CLRN1: variants seen among roughly 807,000 people sequenced by gnomAD.
The protein encoded by CLRN1 is clarin 1.
Under a neutral mutation model 18.7 loss-of-function variants are expected in CLRN1, and 15 were observed. That is an observed-to-expected ratio of 0.80 (90% CI 0.54 to 1.23). The LOEUF (loss-of-function observed/expected upper bound fraction) is 1.23, where lower values mean the gene tolerates loss of function less well. Among genes scored for constraint, CLRN1 ranks in the 50% most tolerant of loss-of-function variants. CLRN1 has a pLI of 0.00. For synonymous variants in CLRN1, 104 were observed against 102.9 expected (o/e 1.01, Z -0.07); for missense variants, 311 against 277.5 (o/e 1.12, Z -0.86).
At chr3:150,928,728 G>C (rs187171468) in intron 2 of CLRN1, among the ~76,000 whole-genome samples, 1 of 152,322 alleles carries the variant, frequency 6.6e-6, no homozygotes, top group Admixed American at 6.5e-5. Context: ...GCTGCACAAA[G>C]GAAAAGGTAG....
rs542605870 is a variant in CLRN1, at chr3:150,935,418, G to C, written c.433+6164C>G. On this transcript the variant is annotated intron_variant, in intron 2 of 2. Transcript: ENST00000327047. ...TGTTTGGTTTTTTGTCCTTGCGATA[G>C]TTTGCTGAGGATGATGGTTTCCAGC... Among the ~76,000 whole-genome samples the C allele has an allele frequency of 4.6e-5, 7 of 151,638 alleles. No individual in the cohort carries two copies. The East Asian group carries it at 1.4e-3, about 30-fold the overall frequency.
At position 150,926,678 on chromosome 3, in the gene CLRN1, G is replaced by C; in HGVS notation, c.*1258C>G. On this transcript the variant is annotated 3_prime_UTR_variant, in exon 3 of 3. Transcript: ENST00000327047. The stretch of plus-strand genomic sequence containing the variant: ...TTTCATCCTTGTAAATAGTTCCAAA[G>C]GGAAACAGTGTTTTATTTTAAGGAG... 5.7e-6 allele frequency: 6 copies of C among 1,053,068 alleles called. No individual in the cohort carries two copies. In the South Asian group the frequency reaches 8.0e-5, roughly 14 times the overall value. 65.2% of individuals were successfully genotyped at this position (1,053,068 alleles called of 1,614,324 possible).
chr3:150,950,444 A>C (rs1249317958), intron 1 of CLRN1, among the ~76,000 whole-genome samples: 1 of 152,248 alleles, frequency 6.6e-6, no homozygotes, highest in African/African-American at 2.4e-5. Context: ...AGCATCTATG[A>C]GGAACTTAAA....
At chr3:150,932,034 T>G (rs4680064) in intron 2 of CLRN1, among the ~76,000 whole-genome samples, 135,302 of 152,090 alleles carry the variant, frequency 0.89, 60,776 homozygotes, top group East Asian at 1. Context: ...CCACCATCTG[T>G]CTGGTACTGT....
At chr3:150,928,346 C>G in intron 2 of CLRN1, 145 bp from the exon 3 acceptor site, 1 of 1,055,726 alleles carries the variant, frequency 9.5e-7, no homozygotes. Flanking sequence ...TATTTGTAAT[C>G]ATGAGCCTGA....
chr3:150,941,641 C>T lies in CLRN1; in HGVS notation c.374G>A (p.Gly125Glu), dbSNP rs774354571. The stretch of plus-strand genomic sequence containing the variant: ...ACCATGCAGAGTTTCAAAAGGTTTT[C>T]CAAAAGCATTGTACATGAAGAAGGC... ...GTAFFMYNAF[G>E]KPFETLHGPL... The change falls in exon 2 of 3, where the codon GGA (glycine) becomes GAA (glutamate). Residue 125 changes from glycine (G) to glutamate (E), a missense_variant. Physicochemically the swap from Gly to Glu is moderately conservative, Grantham distance 98. Coordinates refer to ENST00000327047, the MANE Select transcript of CLRN1 (RefSeq NM_174878.3). The T allele has an allele frequency of 1.9e-6, 3 of 1,613,984 alleles. No individual in the cohort carries two copies. Among genetic ancestry groups the T allele is most frequent in the South Asian group, 2.2e-5 (2 of 91,074 alleles).
intron 1 of CLRN1, among the ~76,000 whole-genome samples, chr3:150,971,711 C>A (rs1715547155): frequency 6.6e-6 from 1 of 152,152 alleles, no homozygotes; most frequent in Non-Finnish European, 1.5e-5. Flanking sequence ...TATTAATTTT[C>A]ATTTAATGAG....
intron 1 of CLRN1, among the ~76,000 whole-genome samples, chr3:150,968,137 G>A (rs1011906598): frequency 6.6e-6 from 1 of 151,982 alleles, no homozygotes. Context: ...AACTATCTTG[G>A]CAATGAATAG....
At chr3:150,933,415 G>A (rs1331607410) in intron 2 of CLRN1, among the ~76,000 whole-genome samples, 1 of 152,144 alleles carries the variant, frequency 6.6e-6, no homozygotes, top group Admixed American at 6.5e-5. Flanking sequence ...GCCTCATAGG[G>A]AATATAACAT....
rs1196979915 is a variant in CLRN1, at chr3:150,969,313, A to ATTTTTT, written c.253+3137_253+3142dup. 3.2e-4 allele frequency among the ~76,000 whole-genome samples: 14 copies of ATTTTTT among 43,552 alleles called. 1 individual carries two copies. The highest frequency in any genetic ancestry group is 1.6e-3 in the East Asian group (2 of 1,284). The allele number at this position is 43,552 out of a possible 152,430, so 28.6% of individuals were successfully genotyped here. On this transcript the variant is annotated intron_variant, in intron 1 of 2. Coordinates refer to ENST00000327047, the MANE Select transcript of CLRN1 (RefSeq NM_174878.3). ...TTGTAATATATATATATATATATAT[A>ATTTTTT]TTTTTTTTTTTTTTTTTTTTTTTTT... is the stretch of plus-strand genomic sequence containing the variant.
rs537301914 is a variant in CLRN1, at chr3:150,959,575, G to A, written c.253+12881C>T. 8.8e-4 allele frequency among the ~76,000 whole-genome samples: 131 copies of A among 148,680 alleles called. 1 individual carries two copies. Among genetic ancestry groups the A allele is most frequent in the Middle Eastern group, 3.5e-3 (1 of 284 alleles). ...GCCCAAGAGGCAGAAGTTGCAGTGA[G>A]CCGAGATCACATCACTACCCTCCAG... On this transcript the variant is annotated intron_variant, in intron 1 of 2. Coordinates refer to ENST00000327047, the MANE Select transcript of CLRN1 (RefSeq NM_174878.3).
At chr3:150,957,003 C>T (rs139288619) in intron 1 of CLRN1, among the ~76,000 whole-genome samples, 1 of 152,096 alleles carries the variant, frequency 6.6e-6, no homozygotes, top group Non-Finnish European at 1.5e-5. Flanking sequence ...ACTCCATTGC[C>T]ACCCATCTAC....
chr3:150,934,841 C>G (rs1267540222), intron 2 of CLRN1, among the ~76,000 whole-genome samples: 1 of 152,070 alleles, frequency 6.6e-6, no homozygotes, highest in African/African-American at 2.4e-5. Context: ...CTCTCTGTCT[C>G]TCTCTTCCAC....
chr3:150,966,551 C>T (rs921836975), intron 1 of CLRN1, among the ~76,000 whole-genome samples: 9 of 152,154 alleles, frequency 5.9e-5, no homozygotes, highest in Non-Finnish European at 7.3e-5. Flanking sequence ...TCATTTATTT[C>T]GGTATTTGTG....
chr3:150,941,694 G>C lies in CLRN1; in HGVS notation c.321C>G (p.Ile107Met). The C allele has an allele frequency of 6.2e-7, 1 of 1,614,046 alleles. No individual in the cohort carries two copies. The highest frequency in any genetic ancestry group is 8.5e-7 in the Non-Finnish European group (1 of 1,179,952). ...TCCCCACCATGGTTAACACAATAAG[G>C]ATGGCAGAGAAGAGAATGACATTGA... is the stretch of plus-strand genomic sequence containing the variant. Reference protein sequence around the residue: ...IHVNVILFSAILIVLTMVGTA... With the variant: ...IHVNVILFSAMLIVLTMVGTA... Residue 107 changes from isoleucine to methionine, a missense_variant, in exon 2 of 3, where the codon ATC (isoleucine) becomes ATG (methionine). Physicochemically the swap from Ile to Met is conservative, Grantham distance 10 (BLOSUM62 1). Coordinates refer to ENST00000327047, the MANE Select transcript of CLRN1 (RefSeq NM_174878.3).
chr3:150,964,744 T>C (rs1467032480), intron 1 of CLRN1, among the ~76,000 whole-genome samples: 1 of 152,180 alleles, frequency 6.6e-6, no homozygotes, highest in Non-Finnish European at 1.5e-5. Flanking sequence ...GTTCATGCCT[T>C]TTGCAGGAAC....
Position 150,928,082 on chromosome 3 carries a change from A to G in CLRN1, c.553T>C (p.Tyr185His). Residue 185 changes from tyrosine (Y) to histidine (H), a missense_variant, in exon 3 of 3, where the codon TAT (tyrosine) becomes CAT (histidine). By Grantham distance (83) the Tyr-to-His change is moderately conservative (BLOSUM62 2). Transcript: ENST00000327047. ...TYVYKTQSEK[Y>H]TTSFWVIFFC... ...AAAATGACCCAGAATGAGGTGGTAT[A>G]TTTTTCACTTTGCGTTTTGTAGACA... The G allele has an allele frequency of 6.2e-7, 1 of 1,613,728 alleles. No individual in the cohort carries two copies. Among genetic ancestry groups the G allele is most frequent in the Non-Finnish European group, 8.5e-7 (1 of 1,179,908 alleles).
chr3:150,928,150 T>A lies in CLRN1; in HGVS notation c.485A>T (p.His162Leu). Reference protein sequence around the residue: ...MILFASEVKIHHLSEKIANYK... With the variant: ...MILFASEVKILHLSEKIANYK... ...ATTTGCAATTTTTTCTGAGAGGTGATGGATTTTCACTTCAGAGGCAAACAA... is the reference window on the plus strand; with the variant it reads ...ATTTGCAATTTTTTCTGAGAGGTGAAGGATTTTCACTTCAGAGGCAAACAA... Residue 162 changes from histidine to leucine, a missense_variant, in exon 3 of 3, where the codon CAT (histidine) becomes CTT (leucine). His to Leu is a moderately conservative substitution (Grantham distance 99). Coordinates refer to ENST00000327047, the MANE Select transcript of CLRN1 (RefSeq NM_174878.3). 1.9e-6 allele frequency: 3 copies of A among 1,613,790 alleles called. No homozygotes were observed. The highest frequency in any genetic ancestry group is 2.5e-6 in the Non-Finnish European group (3 of 1,179,980).
At chr3:150,957,087 G>A (rs1354348345) in intron 1 of CLRN1, among the ~76,000 whole-genome samples, 2 of 152,018 alleles carry the variant, frequency 1.3e-5, no homozygotes, top group Non-Finnish European at 2.9e-5. Context: ...TCCAAGGCTG[G>A]CCCTTCTCCC....
Sources: gnomAD v4.1 joint callset for allele counts (sites outside exome capture counted in the v4.1 genomes callset) on GRCh38, gnomAD v4.1.1 for gene constraint, MANE v1.5 for transcripts, NCBI Gene and HGNC (gene_info 2026-07-23, HGNC 2026-07-21) for gene names.